The following SOBP variants were observed in gnomAD, a reference collection of about 807,000 sequenced individuals.
SOBP encodes sine oculis-binding protein homolog.
In SOBP, 4 loss-of-function variants were observed where a neutral mutation model predicts 53.6. The ratio of observed to expected loss-of-function variants is 0.07; its 90% confidence interval spans 0.04 to 0.17. The LOEUF (loss-of-function observed/expected upper bound fraction) is 0.17. Among genes scored for constraint, SOBP ranks in the 10% least tolerant of loss-of-function variants. SOBP has a pLI of 1.00. For synonymous variants in SOBP, 584 were observed against 522.6 expected (o/e 1.12, Z -1.60); for missense variants, 1,088 against 1,204.7 (o/e 0.90, Z 1.43).
intron 4 of SOBP, among the ~76,000 whole-genome samples, chr6:107,544,754 GAACA>G (rs1784247755): frequency 6.6e-6 from 1 of 152,136 alleles, no homozygotes; most frequent in Admixed American, 6.5e-5. Flanking sequence ...GAGAACAATT[GAACA>G]AACAAATATT....
chr6:107,648,684 A>G lies in SOBP; in HGVS notation c.*4-9523A>G, dbSNP rs1205078319. On this transcript the variant is annotated intron_variant, in intron 6 of 6. Coordinates refer to ENST00000317357, the MANE Select transcript of SOBP (RefSeq NM_018013.4). ...GAAGGGGGGAGATGGAACATAGGCTAGGGGTCAGCTCTCCCAGCGGGAGGG... is the reference window on the plus strand; with the variant it reads ...GAAGGGGGGAGATGGAACATAGGCTGGGGGTCAGCTCTCCCAGCGGGAGGG... 2.0e-5 allele frequency among the ~76,000 whole-genome samples: 3 copies of G among 152,088 alleles called. No homozygotes were observed. The East Asian group carries it at 5.8e-4, about 29-fold the overall frequency.
intron 2 of SOBP, among the ~76,000 whole-genome samples, chr6:107,505,205 C>T (rs181002752): frequency 1.6e-3 from 236 of 152,222 alleles, no homozygotes; most frequent in Admixed American, 3.2e-3. Context: ...TACAGTGGGA[C>T]CTAGTTACAA....
At chr6:107,648,666 G>A (rs1329707023) in intron 6 of SOBP, among the ~76,000 whole-genome samples, 1 of 152,124 alleles carries the variant, frequency 6.6e-6, no homozygotes, top group African/African-American at 2.4e-5. Context: ...AAAGAAGGGG[G>A]GAGATGGAAC....
At chr6:107,530,811 G>C (rs562152362) in intron 3 of SOBP, among the ~76,000 whole-genome samples, 1 of 152,332 alleles carries the variant, frequency 6.6e-6, no homozygotes, top group African/African-American at 2.4e-5. Flanking sequence ...AGATATAAAA[G>C]TGCACAATGT....
At chr6:107,646,164 T>C (rs1250399501) in intron 6 of SOBP, among the ~76,000 whole-genome samples, 3 of 152,244 alleles carry the variant, frequency 2.0e-5, no homozygotes, top group Non-Finnish European at 4.4e-5. Flanking sequence ...CAGCAGTTGA[T>C]TCTAAACATT....
chr6:107,555,459 C>T (rs2115017535), intron 4 of SOBP, among the ~76,000 whole-genome samples: 1 of 152,304 alleles, frequency 6.6e-6, no homozygotes, highest in South Asian at 2.1e-4. Flanking sequence ...AGTGAGTTCT[C>T]GCCCACATAG....
chr6:107,633,416 G>A lies in SOBP; in HGVS notation c.670-98G>A. The stretch of plus-strand genomic sequence containing the variant: ...AGTTCTGCCTGTTTGAGAAGTGCTG[G>A]TAAAGTTTAAAAGAACCTTTATGTG... On this transcript the variant is annotated intron_variant, in intron 5 of 6. Coordinates refer to ENST00000317357, the MANE Select transcript of SOBP (RefSeq NM_018013.4). 2.7e-6 allele frequency: 4 copies of A among 1,460,462 alleles called. No homozygotes were observed. In the South Asian group the frequency reaches 3.4e-5, roughly 13 times the overall value. The allele number at this position is 1,460,462 out of a possible 1,614,324, so 90.5% of individuals were successfully genotyped here.
intron 3 of SOBP, among the ~76,000 whole-genome samples, chr6:107,519,975 G>A (rs1202353424): frequency 2.0e-5 from 3 of 152,166 alleles, no homozygotes; most frequent in Non-Finnish European, 4.4e-5. Flanking sequence ...ATTAATGGAA[G>A]GGAATATAAA....
At chr6:107,515,406 A>G (rs1363630714) in intron 3 of SOBP, among the ~76,000 whole-genome samples, 1 of 152,244 alleles carries the variant, frequency 6.6e-6, no homozygotes, top group East Asian at 1.9e-4. Flanking sequence ...TGCCAAGGGC[A>G]TTATAAGTAA....
At chr6:107,555,500 A>C (rs1210905295) in intron 4 of SOBP, among the ~76,000 whole-genome samples, 2 of 152,208 alleles carry the variant, frequency 1.3e-5, no homozygotes, top group Admixed American at 1.3e-4. Context: ...CAGAAAAGGG[A>C]GGCAGTGCCT....
At chr6:107,509,892 A>T (rs1276873886) in intron 3 of SOBP, 1 of 152,182 alleles carries the variant, frequency 6.6e-6, no homozygotes, top group African/African-American at 2.4e-5. Context: ...GTAGGGAAGG[A>T]CATGTTTAAT....
chr6:107,608,391 G>A (rs1222836779), intron 5 of SOBP, among the ~76,000 whole-genome samples: 1 of 152,126 alleles, frequency 6.6e-6, no homozygotes, highest in Admixed American at 6.5e-5. Flanking sequence ...CCTTTCTTGG[G>A]AAGGATTCTC....
At chr6:107,586,971 T>A in intron 4 of SOBP, 109 bp from the exon 5 acceptor site, 2 of 844,244 alleles carry the variant, frequency 2.4e-6, no homozygotes, top group Non-Finnish European at 4.1e-6. Context: ...TTAATATTGT[T>A]GTTATTTCTG....
intron 5 of SOBP, among the ~76,000 whole-genome samples, chr6:107,616,084 TGGGGGGGGGGC>T (rs1244513372): frequency 1.6e-5 from 1 of 62,572 alleles, no homozygotes; most frequent in Non-Finnish European, 3.4e-5. Context: ...GGAAGGGGGG[TGGGGGGGGGGC>T]GGGGGGGCGG....
intron 5 of SOBP, among the ~76,000 whole-genome samples, chr6:107,597,993 G>A (rs545983163): frequency 5.3e-5 from 8 of 152,274 alleles, no homozygotes; most frequent in African/African-American, 1.9e-4. Flanking sequence ...GTTATGGGGT[G>A]TGTGTGTGTT....
intron 4 of SOBP, among the ~76,000 whole-genome samples, chr6:107,585,153 A>G (rs1203368474): frequency 2.6e-5 from 4 of 152,200 alleles, no homozygotes; most frequent in African/African-American, 9.6e-5. Context: ...TCTACTTACT[A>G]TCCACGTATG....
At chr6:107,530,733 T>C (rs1783798130) in intron 3 of SOBP, among the ~76,000 whole-genome samples, 1 of 152,138 alleles carries the variant, frequency 6.6e-6, no homozygotes, top group African/African-American at 2.4e-5. Context: ...TATGAAAAAC[T>C]GCGGGGAGCG....
intron 6 of SOBP, among the ~76,000 whole-genome samples, chr6:107,646,838 G>A (rs761025432): frequency 6.6e-6 from 1 of 152,196 alleles, no homozygotes; most frequent in Non-Finnish European, 1.5e-5. Flanking sequence ...CTGGAGTTGG[G>A]CCAGCTTGGG....
intron 5 of SOBP, among the ~76,000 whole-genome samples, chr6:107,614,662 A>AAGCGT (rs1786716394): frequency 6.6e-6 from 1 of 152,240 alleles, no homozygotes; most frequent in African/African-American, 2.4e-5. Flanking sequence ...ATGAGCAGCC[A>AAGCGT]AGCGTATGGC....
Sources: gnomAD v4.1 joint callset for allele counts (sites outside exome capture counted in the v4.1 genomes callset) on GRCh38, gnomAD v4.1.1 for gene constraint, MANE v1.5 for transcripts, NCBI Gene and HGNC (gene_info 2026-07-23, HGNC 2026-07-21) for gene names.